Variants in HRAS observed in about 807,000 individuals in gnomAD.
HRAS encodes GTPase HRas.
Under a neutral mutation model 19.8 loss-of-function variants are expected in HRAS, and 11 were observed. The ratio of observed to expected loss-of-function variants is 0.55; its 90% CI spans 0.35 to 0.92. The LOEUF is 0.92. HRAS is among the 40% of genes least tolerant of loss of function. The pLI is 0.01. For synonymous variants in HRAS, 149 were observed against 105.5 expected (o/e 1.41, Z -2.52); for missense variants, 204 against 255.9 (o/e 0.80, Z 1.38).
At chr11:534,564 C>T (rs1851339588) in intron 1 of HRAS, 189 bp from the exon 2 acceptor site, 2 of 587,558 alleles carry the variant, frequency 3.4e-6, no homozygotes, top group Admixed American at 3.0e-5. Flanking sequence ...GCCTCGCCCC[C>T]ACTTGCTCTT....
Position 535,491 on chromosome 11 carries a change from T to C in HRAS, c.-129A>G, listed in dbSNP as rs1282129702. The C allele has an allele frequency of 6.8e-6, 1 of 146,628 alleles. No individual in the cohort carries two copies. Among genetic ancestry groups the C allele is most frequent in the Non-Finnish European group, 1.5e-5 (1 of 65,764 alleles). The allele number at this position is 146,628 out of a possible 1,614,324, so 9.1% of individuals were successfully genotyped here. Reference sequence around the variant, plus strand: ...GCGGGGCGGGGGCGGGGGCGCGCGGTTCGCCCCGCGCATGGGCTCCGTCCG... The same window carrying C: ...GCGGGGCGGGGGCGGGGGCGCGCGGCTCGCCCCGCGCATGGGCTCCGTCCG... On this transcript the variant is annotated 5_prime_UTR_variant, in exon 1 of 6. Coordinates refer to ENST00000311189, the MANE Select transcript of HRAS (RefSeq NM_005343.4).
Position 532,878 on chromosome 11 carries a change from C to G in HRAS, c.451-123G>C, listed in dbSNP as rs1851192998. ...GCTCCCGACTCCACCAGCCACTTCCCCAGGCCCACCACACACACGGGAAGC... is the reference window on the plus strand; with the variant it reads ...GCTCCCGACTCCACCAGCCACTTCCGCAGGCCCACCACACACACGGGAAGC... On this transcript the variant is annotated intron_variant, in intron 4 of 5. Coordinates refer to ENST00000311189, the MANE Select transcript of HRAS (RefSeq NM_005343.4). 7.5e-6 allele frequency: 7 copies of G among 931,796 alleles called. No homozygotes were observed. In the Admixed American group the frequency reaches 1.3e-4, roughly 18 times the overall value. 57.7% of individuals were successfully genotyped at this position (931,796 alleles called of 1,614,324 possible). A position where few individuals can be genotyped will look rare whatever the true frequency, so the allele number is the denominator to read the frequency against.
At position 535,472 on chromosome 11, in the gene HRAS, C is replaced by CGG. The variant is rs1021593789; in HGVS notation, c.-112_-111dup. 3 of 147,024 alleles carry CGG rather than the reference C, an allele frequency of 2.0e-5. No individual in the cohort carries two copies. Among genetic ancestry groups the CGG allele is most frequent in the African/African-American group, 7.4e-5 (3 of 40,812 alleles). 9.1% of individuals were successfully genotyped at this position (147,024 alleles called of 1,614,324 possible). On this transcript the variant is annotated 5_prime_UTR_variant, in exon 1 of 6. An upstream open reading frame in the 5' UTR gains an earlier in-frame stop. Transcript: ENST00000311189. Reference sequence around the variant, plus strand: ...GGCCGGGGCCGAGGCCGGGGCGGGGCGGGGGCGGGGGCGCGCGGTTCGCCC... The same window carrying CGG: ...GGCCGGGGCCGAGGCCGGGGCGGGGCGGGGGGGCGGGGGCGCGCGGTTCGCCC...
rs1445047175 is a variant in HRAS, at chr11:534,258, T to C, written c.65A>G (p.Gln22Arg). Reference protein sequence around the residue: ...GGVGKSALTIQLIQNHFVDEY... With the variant: ...GGVGKSALTIRLIQNHFVDEY... ...GTCCACAAAATGGTTCTGGATCAGC[T>C]GGATGGTCAGCGCACTCTTGCCCAC... The change falls in exon 2 of 6, where the codon CAG (glutamine) becomes CGG (arginine). Residue 22 changes from glutamine to arginine, a missense_variant. Physicochemically the swap from Gln to Arg is conservative, Grantham distance 43. This residue lies in a region of HRAS where 1 missense variants were observed against 17.8 expected (regional missense o/e 0.06). Transcript: ENST00000311189. 1 of 1,613,602 alleles carries C rather than the reference T, an allele frequency of 6.2e-7. No individual in the cohort carries two copies. The highest frequency in any genetic ancestry group is 8.5e-7 in the Non-Finnish European group (1 of 1,179,928).
intron 3 of HRAS, 55 bp from the exon 4 acceptor site, chr11:533,667 A>G: frequency 6.2e-7 from 1 of 1,612,604 alleles, no homozygotes; most frequent in Non-Finnish European, 8.5e-7. Context: ...AGCGGCATCC[A>G]GGACATGCGC....
chr11:534,505 G>A lies in HRAS; in HGVS notation c.-53-130C>T, dbSNP rs532414321. The A allele has an allele frequency of 2.8e-5, 17 of 614,076 alleles. No individual in the cohort carries two copies. In the East Asian group the frequency reaches 4.4e-4, roughly 16 times the overall value. The allele number at this position is 614,076 out of a possible 1,614,324, so 38.0% of individuals were successfully genotyped here. On this transcript the variant is annotated intron_variant, in intron 1 of 5. Coordinates refer to ENST00000311189, the MANE Select transcript of HRAS (RefSeq NM_005343.4). ...GCCCCAACGCCAGGCAGCAAGGACT[G>A]CAGCGTGCCTACCTGTGCAGCTGCA...
At chr11:534,477 TG>T in intron 1 of HRAS, 102 bp from the exon 2 acceptor site, 1 of 642,174 alleles carries the variant, frequency 1.6e-6, no homozygotes, top group Non-Finnish European at 2.7e-6. Context: ...CAGCGGTCCC[TG>T]GGCCCCAACG....
chr11:534,622 G>A (rs1851342210), intron 1 of HRAS: 3 of 513,870 alleles, frequency 5.8e-6, no homozygotes, highest in Non-Finnish European at 1.1e-5. Context: ...AGGCAGGGCT[G>A]ACAGCTGAGC....
At chr11:534,095 G>A (rs1324102835) in intron 2 of HRAS, 117 bp downstream of exon 2, 1 of 1,169,908 alleles carries the variant, frequency 8.5e-7, no homozygotes, top group Non-Finnish European at 1.3e-6. Flanking sequence ...AGAGGAAGCA[G>A]GAGACAGGGC....
intron 2 of HRAS, 95 bp from the exon 3 acceptor site, chr11:534,039 GCC>G (rs769056797): frequency 5.1e-6 from 7 of 1,380,304 alleles, no homozygotes; most frequent in Non-Finnish European, 7.1e-6. Context: ...TGCCCCTCAT[GCC>G]CCCTCCTCTC....
rs981155119 is a variant in HRAS, at chr11:533,529, A to G, written c.374T>C (p.Val125Ala). The change falls in exon 4 of 6, where the codon GTG becomes GCG. Residue 125 changes from valine to alanine, a missense_variant. Transcript: ENST00000311189. ...GAGGTCCTGAGCCTGCCGAGATTCC[A>G]CAGTGCGTGCAGCCAGGTCACACTT... ...GNKCDLAART[V>A]ESRQAQDLAR... The G allele has an allele frequency of 1.2e-6, 2 of 1,613,828 alleles. No individual in the cohort carries two copies. Among genetic ancestry groups the G allele is most frequent in the Non-Finnish European group, 1.7e-6 (2 of 1,179,970 alleles).
At position 532,453 on chromosome 11, in the gene HRAS, GTCCT is replaced by G. The variant is rs1851157377; in HGVS notation, c.*71_*74del. The G allele has an allele frequency of 2.4e-6, 2 of 843,924 alleles. No homozygotes were observed. The highest frequency in any genetic ancestry group is 3.7e-6 in the Non-Finnish European group (2 of 545,510). 52.3% of individuals were successfully genotyped at this position (843,924 alleles called of 1,614,324 possible). ...AGCCCTTCCTTCCTTCCTTGCTTCC[GTCCT>G]TCCTTCCTCCTCCTTCCGTCTGCAC... On this transcript the variant is annotated 3_prime_UTR_variant, in exon 6 of 6. Coordinates refer to ENST00000311189, the MANE Select transcript of HRAS (RefSeq NM_005343.4).
intron 2 of HRAS, 126 bp downstream of exon 2, chr11:534,086 G>A (rs1049316573): frequency 1.7e-6 from 2 of 1,154,738 alleles, no homozygotes; most frequent in Non-Finnish European, 2.6e-6. Flanking sequence ...CCCTCCTCTA[G>A]AGGAAGCAGG....
At chr11:534,725 A>G in intron 1 of HRAS, 1 of 265,866 alleles carries the variant, frequency 3.8e-6, no homozygotes, top group East Asian at 8.2e-5. Flanking sequence ...CCTCCAGAAC[A>G]GGTCTGGCCA....
rs2133987418 is a variant in HRAS at position 533,555 on chromosome 11, G to A, written c.348C>T (p.Asn116=). ...SDDVPMVLVG[N]KCDLAARTVE... is the part of the protein sequence containing the mutation. ...CAGTGCGTGCAGCCAGGTCACACTT[G>A]TTCCCCACCAGCACCATGGGCACGT... The change falls in exon 4 of 6, where the codon AAC becomes AAT. Residue 116 remains asparagine (N), a synonymous_variant. Coordinates refer to ENST00000311189, the MANE Select transcript of HRAS (RefSeq NM_005343.4). 1 of 1,613,902 alleles carries A rather than the reference G, an allele frequency of 6.2e-7. No individual in the cohort carries two copies. The highest frequency in any genetic ancestry group is 8.5e-7 in the Non-Finnish European group (1 of 1,179,994).
In HRAS at chr11:533,279, C is replaced by T. The variant is rs371117417; in HGVS notation, c.450+174G>A. 390 of 1,586,566 alleles carry T rather than the reference C, an allele frequency of 2.5e-4. No homozygotes were observed. The highest frequency in any genetic ancestry group is 2.4e-4 in the Non-Finnish European group (279 of 1,173,308). On this transcript the variant is annotated intron_variant, in intron 4 of 5. Transcript: ENST00000311189. ...CCCTGCCGTCCCGGGAGACTTACAG[C>T]GCGAGGGGCCGCTGGGTCACATGGG...
chr11:534,493 G>A (rs908853699), intron 1 of HRAS, 118 bp from the exon 2 acceptor site: 13 of 622,376 alleles, frequency 2.1e-5, no homozygotes, highest in Non-Finnish European at 3.7e-5. Flanking sequence ...CCAACGCCAG[G>A]CAGCAAGGAC....
intron 1 of HRAS, chr11:534,613 G>A (rs763979495): frequency 9.4e-6 from 5 of 529,880 alleles, no homozygotes; most frequent in Non-Finnish European, 1.0e-5. Context: ...AGCCCTCAAA[G>A]GCAGGGCTGA....
chr11:532,519 T>C lies in HRAS; in HGVS notation c.*9A>G. 2 of 1,402,620 alleles carry C rather than the reference T, an allele frequency of 1.4e-6. No homozygotes were observed. The highest frequency in any genetic ancestry group is 1.2e-5 in the South Asian group (1 of 80,286). The allele number at this position is 1,402,620 out of a possible 1,614,324, so 86.9% of individuals were successfully genotyped here. A position where few individuals can be genotyped will look rare whatever the true frequency, so the allele number is the denominator to read the frequency against. On this transcript the variant is annotated 3_prime_UTR_variant, in exon 6 of 6. Coordinates refer to ENST00000311189, the MANE Select transcript of HRAS (RefSeq NM_005343.4). ...ATCCGGCACCTCCATGTCCTGAGCT[T>C]GTGCTGGGCGGGGCACAAGGGAGGC...
Sources: gnomAD v4.1 joint callset for allele counts on GRCh38, gnomAD v4.1.1 for gene constraint, gnomAD v4.1.1 regional missense constraint, MANE v1.5 for transcripts, NCBI Gene and HGNC (gene_info 2026-07-23, HGNC 2026-07-21) for gene names.